SMYD3: variants seen among roughly 807,000 people sequenced by gnomAD.
The protein encoded by SMYD3 is SET and MYND domain containing 3.
In SMYD3, 36 loss-of-function variants were observed where a neutral mutation model predicts 57.7. The observed-to-expected ratio is 0.62, with a 90% confidence interval of 0.48 to 0.82. The LOEUF (loss-of-function observed/expected upper bound fraction) is 0.82. SMYD3 is among the 40% of genes least tolerant of loss of function. The pLI is 0.00. For missense variants in SMYD3, 515 were observed against 538.8 expected (o/e 0.96, Z 0.44); for synonymous variants, 211 against 195.0 (o/e 1.08, Z -0.68).
At chr1:245,765,524 T>C (rs555081097) in intron 10 of SMYD3, among the ~76,000 whole-genome samples, 64 of 152,248 alleles carry the variant, frequency 4.2e-4, no homozygotes, top group African/African-American at 1.4e-3. Context: ...TAGTATACCC[T>C]AGATGTCCAG....
chr1:245,869,038 A>G (rs1167688743), intron 8 of SMYD3, among the ~76,000 whole-genome samples: 3 of 152,112 alleles, frequency 2.0e-5, no homozygotes, highest in African/African-American at 7.2e-5. Context: ...CCTTATTTCC[A>G]TTATTTCATA....
At chr1:246,387,513 A>T (rs1235133852) in intron 1 of SMYD3, among the ~76,000 whole-genome samples, 1 of 152,194 alleles carries the variant, frequency 6.6e-6, no homozygotes, top group African/African-American at 2.4e-5. Flanking sequence ...GTTTAGAAAG[A>T]AATGTAATAT....
chr1:246,437,965 T>C (rs1236002350), intron 1 of SMYD3, among the ~76,000 whole-genome samples: 1 of 152,224 alleles, frequency 6.6e-6, no homozygotes, highest in Non-Finnish European at 1.5e-5. Context: ...ACCAATTACG[T>C]ATTCATAGTC....
intron 7 of SMYD3, among the ~76,000 whole-genome samples, chr1:245,915,879 G>A (rs920218452): frequency 2.0e-5 from 3 of 151,958 alleles, no homozygotes; most frequent in African/African-American, 7.3e-5. Flanking sequence ...TTTAAAGAAC[G>A]GGTCTTATGA....
intron 5 of SMYD3, among the ~76,000 whole-genome samples, chr1:246,095,213 T>C (rs897111397): frequency 6.6e-6 from 1 of 152,168 alleles, no homozygotes; most frequent in Non-Finnish European, 1.5e-5. Flanking sequence ...ACTTCTTTCC[T>C]TCACAGGAAG....
chr1:246,220,994 A>G (rs2063245777), intron 5 of SMYD3, among the ~76,000 whole-genome samples: 1 of 151,982 alleles, frequency 6.6e-6, no homozygotes, highest in South Asian at 2.1e-4. Context: ...GAACAGACAG[A>G]TGATGGGACG....
At chr1:245,763,972 CAA>C in intron 11 of SMYD3, 67 bp downstream of exon 11, 2 of 1,191,822 alleles carry the variant, frequency 1.7e-6, no homozygotes, top group Non-Finnish European at 1.3e-6. Flanking sequence ...TAACAAATCA[CAA>C]AGAGGCCCAG....
chr1:245,765,115 G>A (rs1166178024), intron 10 of SMYD3, among the ~76,000 whole-genome samples: 2 of 148,024 alleles, frequency 1.4e-5, no homozygotes, highest in African/African-American at 5.0e-5. Context: ...GGACAGGTGC[G>A]ATGGCTCACA....
intron 2 of SMYD3, among the ~76,000 whole-genome samples, chr1:246,354,353 A>G (rs1572413009): frequency 6.6e-6 from 1 of 152,240 alleles, no homozygotes; most frequent in South Asian, 2.1e-4. Context: ...AACTCTTGGC[A>G]GGATATTTGG....
intron 5 of SMYD3, among the ~76,000 whole-genome samples, chr1:246,044,797 T>C (rs1287286453): frequency 6.6e-6 from 1 of 152,188 alleles, no homozygotes; most frequent in African/African-American, 2.4e-5. Context: ...ATAGCAGACT[T>C]AATGCTCAGT....
At position 246,230,812 on chromosome 1, in the gene SMYD3, G is replaced by T. The variant is rs530265165; in HGVS notation, c.531+96389C>A. ...GTTGAGCAGTTGAAATGTGTTTAGT[G>T]CAAGAGAAAGACTTAATTTTTAATT... is the stretch of plus-strand genomic sequence containing the variant. On this transcript the variant is annotated intron_variant, in intron 5 of 11. Coordinates refer to ENST00000490107, the MANE Select transcript of SMYD3 (RefSeq NM_001167740.2). 3.3e-5 allele frequency among the ~76,000 whole-genome samples: 5 copies of T among 152,276 alleles called. No individual in the cohort carries two copies. In the East Asian group the frequency reaches 9.6e-4, roughly 29 times the overall value.
intron 11 of SMYD3, among the ~76,000 whole-genome samples, chr1:245,763,129 T>C (rs1572267381): frequency 1.3e-5 from 2 of 152,214 alleles, no homozygotes; most frequent in East Asian, 3.8e-4. Flanking sequence ...TAACAAGCTA[T>C]TCCAACCCTA....
intron 10 of SMYD3, among the ~76,000 whole-genome samples, chr1:245,841,767 T>C (rs1360048031): frequency 6.6e-6 from 1 of 152,204 alleles, no homozygotes; most frequent in African/African-American, 2.4e-5. Flanking sequence ...CCGAATTCTG[T>C]TGTCAGCCTT....
At position 246,068,312 on chromosome 1, in the gene SMYD3, G is replaced by A. The variant is rs979939111; in HGVS notation, c.532-138375C>T. 4.0e-5 allele frequency among the ~76,000 whole-genome samples: 6 copies of A among 149,394 alleles called. No individual in the cohort carries two copies. In the South Asian group the frequency reaches 8.5e-4, roughly 21 times the overall value. On this transcript the variant is annotated intron_variant, in intron 5 of 11. Transcript: ENST00000490107. Reference sequence around the variant, plus strand: ...AAAAAAAAAAAAAAAGAACACCCACGCAGCAAAAAGCTGTCATTTCACTGC... The same window carrying A: ...AAAAAAAAAAAAAAAGAACACCCACACAGCAAAAAGCTGTCATTTCACTGC...
chr1:246,028,088 T>C (rs1213904611), intron 5 of SMYD3, among the ~76,000 whole-genome samples: 1 of 152,150 alleles, frequency 6.6e-6, no homozygotes. Flanking sequence ...CAAAGGATCA[T>C]TAGAGACTGT....
At chr1:246,485,904 C>T (rs1337289714) in intron 1 of SMYD3, among the ~76,000 whole-genome samples, 1 of 152,146 alleles carries the variant, frequency 6.6e-6, no homozygotes, top group Non-Finnish European at 1.5e-5. Context: ...ATCTGTAAAA[C>T]AGGAATAATA....
intron 10 of SMYD3, among the ~76,000 whole-genome samples, chr1:245,779,752 A>G (rs1385291185): frequency 6.6e-6 from 1 of 152,254 alleles, no homozygotes; most frequent in Non-Finnish European, 1.5e-5. Flanking sequence ...GATGTGGAAG[A>G]ACTGGAACCC....
intron 5 of SMYD3, among the ~76,000 whole-genome samples, chr1:246,234,998 G>C (rs575382888): frequency 1.3e-5 from 2 of 152,250 alleles, no homozygotes; most frequent in Non-Finnish European, 2.9e-5. Context: ...CTGAAAAGTG[G>C]AATGTGGCGT....
chr1:245,904,386 T>G (rs745938171), intron 8 of SMYD3, among the ~76,000 whole-genome samples: 1 of 152,236 alleles, frequency 6.6e-6, no homozygotes, highest in African/African-American at 2.4e-5. Context: ...CTTTGTAAAT[T>G]ACCCAGTCTC....
Sources: allele counts gnomAD v4.1 joint callset (sites outside exome capture counted in the v4.1 genomes callset), GRCh38; gene constraint gnomAD v4.1.1; transcripts MANE v1.5; gene names NCBI Gene and HGNC (gene_info 2026-07-23, HGNC 2026-07-21).